CCDC30: variants seen among roughly 807,000 people sequenced by gnomAD.
CCDC30 encodes the protein coiled-coil domain containing 30.
CCDC30 carries 70 observed loss-of-function variants against 100.2 expected under a neutral mutation model. The observed-to-expected ratio is 0.70, with a 90% CI of 0.58 to 0.85. The LOEUF is 0.85. CCDC30 is among the 40% of genes least tolerant of loss of function. The pLI is 0.00. For synonymous variants in CCDC30, 233 were observed against 269.5 expected (o/e 0.86, Z 1.33); for missense variants, 652 against 771.2 (o/e 0.85, Z 1.83).
chr1:42,472,979 G>A (rs1643818782), intron 1 of CCDC30: 1 of 640,466 alleles, frequency 1.6e-6, no homozygotes, highest in Non-Finnish European at 2.1e-6. Flanking sequence ...GAAGGTTCAG[G>A]TAGCTTACTA....
exon 17 of CCDC30, chr1:42,653,827 A>G: frequency 6.2e-7 from 1 of 1,612,756 alleles, no homozygotes. Flanking sequence ...GTTTTTCAGG[A>G]AAAGGTTTGG....
At chr1:42,484,425 A>G (rs1227837888) in intron 3 of CCDC30, among the ~76,000 whole-genome samples, 4 of 152,246 alleles carry the variant, frequency 2.6e-5, no homozygotes, top group Non-Finnish European at 5.9e-5. Flanking sequence ...AAAGCAGGAT[A>G]TTCAGTACCC....
intron 6 of CCDC30, among the ~76,000 whole-genome samples, chr1:42,550,559 TC>T (rs1645230985): frequency 6.6e-6 from 1 of 152,200 alleles, no homozygotes; most frequent in Non-Finnish European, 1.5e-5. Context: ...ACTAAAAGGT[TC>T]CCCTGTTCAG....
At chr1:42,589,659 C>A in intron 10 of CCDC30, 176 bp downstream of exon 14, 1 of 535,500 alleles carries the variant, frequency 1.9e-6, no homozygotes, top group Non-Finnish European at 3.2e-6. Flanking sequence ...GGAATAAGAG[C>A]TTACAAAACA....
intron 6 of CCDC30, among the ~76,000 whole-genome samples, chr1:42,516,159 C>T (rs1290519973): frequency 2.6e-5 from 4 of 152,170 alleles, no homozygotes; most frequent in African/African-American, 9.7e-5. Context: ...TACATTTCCA[C>T]CAACCGTGTA....
chr1:42,591,859 C>T (rs1646192976), intron 10 of CCDC30: 1 of 152,322 alleles, frequency 6.6e-6, no homozygotes, highest in Non-Finnish European at 1.5e-5. Flanking sequence ...CTACCCAAGG[C>T]CTTGGGAGCC....
intron 14 of CCDC30, 68 bp downstream of exon 18, chr1:42,644,875 G>C (rs2148689976): frequency 1.0e-6 from 1 of 979,182 alleles, no homozygotes; most frequent in Middle Eastern, 2.1e-4. Flanking sequence ...CTGCTGTGCT[G>C]TCTCTTGCCT....
intron 12 of CCDC30, among the ~76,000 whole-genome samples, chr1:42,640,071 T>C (rs1043586452): frequency 6.6e-6 from 1 of 152,112 alleles, no homozygotes; most frequent in African/African-American, 2.4e-5. Flanking sequence ...AGAAGACTGA[T>C]GTTAGAGCTT....
chr1:42,487,148 T>C (rs995889455), intron 3 of CCDC30, among the ~76,000 whole-genome samples: 1 of 147,370 alleles, frequency 6.8e-6, no homozygotes, highest in African/African-American at 2.5e-5. Context: ...AGTAGATTAG[T>C]GGTTGTCTAG....
intron 6 of CCDC30, among the ~76,000 whole-genome samples, chr1:42,542,178 C>T (rs941835780): frequency 6.6e-6 from 1 of 152,188 alleles, no homozygotes; most frequent in Non-Finnish European, 1.5e-5. Context: ...ATAGCCATGT[C>T]ATGGAGGGTC....
chr1:42,538,736 C>T (rs943185525), intron 6 of CCDC30, among the ~76,000 whole-genome samples: 1 of 152,338 alleles, frequency 6.6e-6, no homozygotes, highest in Admixed American at 6.5e-5. Flanking sequence ...CTGAGCCTTA[C>T]TTTCAGCAAT....
At chr1:42,635,681 T>C (rs530219223) in intron 11 of CCDC30, among the ~76,000 whole-genome samples, 7 of 151,900 alleles carry the variant, frequency 4.6e-5, no homozygotes, top group South Asian at 2.1e-4. Context: ...TGGTGGTGGG[T>C]GCCTGTAGTC....
At chr1:42,513,440 G>A (rs998931231) in intron 6 of CCDC30, among the ~76,000 whole-genome samples, 2 of 152,092 alleles carry the variant, frequency 1.3e-5, no homozygotes, top group African/African-American at 4.8e-5. Flanking sequence ...CTTGGCCAGC[G>A]CCATCTTGTC....
chr1:42,551,853 C>G (rs921634194), intron 6 of CCDC30, among the ~76,000 whole-genome samples: 1 of 151,856 alleles, frequency 6.6e-6, no homozygotes, highest in Non-Finnish European at 1.5e-5. Context: ...CTTCTGGGCT[C>G]AAGTGATCCT....
chr1:42,577,127 G>C, exon 8 of CCDC30: 1 of 1,614,008 alleles, frequency 6.2e-7, no homozygotes, highest in African/African-American at 1.3e-5. Flanking sequence ...TCAAGGAACT[G>C]GAGTTGGAAG....
At chr1:42,474,059 T>G (rs2148445523) in intron 1 of CCDC30, among the ~76,000 whole-genome samples, 1 of 152,268 alleles carries the variant, frequency 6.6e-6, no homozygotes, top group East Asian at 1.9e-4. Flanking sequence ...TTATCTCAGG[T>G]TGCCTGGGAA....
At chr1:42,478,818 T>G (rs919028610) in intron 1 of CCDC30, among the ~76,000 whole-genome samples, 1 of 152,096 alleles carries the variant, frequency 6.6e-6, no homozygotes, top group Non-Finnish European at 1.5e-5. Context: ...ACCCATTTTA[T>G]GATAAAATAT....
At chr1:42,530,018 A>G (rs960306249) in intron 6 of CCDC30, among the ~76,000 whole-genome samples, 1 of 152,316 alleles carries the variant, frequency 6.6e-6, no homozygotes, top group Admixed American at 6.5e-5. Context: ...CATCCCTTCG[A>G]CCAGTGCACC....
intron 4 of CCDC30, among the ~76,000 whole-genome samples, chr1:42,495,621 G>A (rs916233787): frequency 9.2e-5 from 14 of 151,832 alleles, no homozygotes; most frequent in Non-Finnish European, 1.2e-4. Context: ...CTTGAACCCA[G>A]GAGGCAGAGG....
Sources: allele counts gnomAD v4.1 joint callset (sites outside exome capture counted in the v4.1 genomes callset), GRCh38; gene constraint gnomAD v4.1.1; transcripts MANE v1.5; gene names NCBI Gene and HGNC (gene_info 2026-07-23, HGNC 2026-07-21).